The following BDP1 variants were observed in gnomAD, a reference collection of about 807,000 sequenced individuals.
BDP1 encodes the protein BDP1 general transcription factor IIIB subunit.
A neutral mutation model predicts 266.6 loss-of-function variants in BDP1; 169 were observed. The observed-to-expected ratio is 0.63, with a 90% CI of 0.56 to 0.72. The LOEUF is 0.72. BDP1 is among the 30% of genes least tolerant of loss of function. BDP1 has a pLI of 0.00. For missense variants in BDP1, 3,015 were observed against 3,053.8 expected (o/e 0.99, Z 0.30); for synonymous variants, 1,090 against 1,022.4 (o/e 1.07, Z -1.26).
intron 6 of BDP1, among the ~76,000 whole-genome samples, chr5:71,469,073 G>A (rs915040824): frequency 7.9e-5 from 12 of 152,138 alleles, no homozygotes; most frequent in African/African-American, 2.9e-4. Flanking sequence ...AGGATATAGA[G>A]TAAAAAGATT....
intron 3 of BDP1, 32 bp from the exon 4 acceptor site, chr5:71,464,026 T>G (rs1172921699): frequency 3.2e-6 from 4 of 1,264,064 alleles, no homozygotes; most frequent in South Asian, 1.4e-5. Context: ...AATTAATAAT[T>G]TATTAAAGAT....
At position 71,502,737 on chromosome 5, in the gene BDP1, A is replaced by C; in HGVS notation, c.2187A>C (p.Glu729Asp). The C allele has an allele frequency of 6.2e-7, 1 of 1,614,094 alleles. No individual in the cohort carries two copies. ...AERKEILISQ[E>D]EIGANVEKNE... ...GAAAAGAAATTCTCATATCACAGGA[A>C]GAAATTGGGGCCAATGTAGAGAAGA... is the stretch of plus-strand genomic sequence containing the variant. The change falls in exon 15 of 39, where the codon GAA becomes GAC. Residue 729 changes from glutamate to aspartate, a missense_variant. Coordinates refer to ENST00000358731, the MANE Select transcript of BDP1 (RefSeq NM_018429.3).
rs796697533 is a variant in BDP1, at chr5:71,527,616, A to T, written c.5772+3293A>T. The stretch of plus-strand genomic sequence containing the variant: ...GAGTGTTCTTCATTTTCGAGGTTCA[A>T]TAATATTCCATTGTGTGTGTGTATC... On this transcript the variant is annotated intron_variant, in intron 25 of 38. Transcript: ENST00000358731. Among the ~76,000 whole-genome samples, 69 of 152,272 alleles carry T rather than the reference A, an allele frequency of 4.5e-4. 1 individual carries two copies. The highest frequency in any genetic ancestry group is 1.6e-3 in the African/African-American group (68 of 41,560).
At position 71,520,996 on chromosome 5, in the gene BDP1, C is replaced by T. The variant is rs368278605; in HGVS notation, c.4992-1293C>T. ...CTGAGTTCGGGAGTTTGAGACCAGC[C>T]TGACCAACATAGAGAAACCCCATCT... On this transcript the variant is annotated intron_variant, in intron 22 of 38. Coordinates refer to ENST00000358731, the MANE Select transcript of BDP1 (RefSeq NM_018429.3). 9.9e-5 allele frequency among the ~76,000 whole-genome samples: 15 copies of T among 151,974 alleles called. 1 individual carries two copies. Among genetic ancestry groups the T allele is most frequent in the African/African-American group, 3.6e-4 (15 of 41,464 alleles).
Position 71,461,814 on chromosome 5 carries a change from C to T in BDP1, c.490-3C>T. The T allele has an allele frequency of 6.4e-7, 1 of 1,556,890 alleles. No individual in the cohort carries two copies. The highest frequency in any genetic ancestry group is 1.1e-5 in the South Asian group (1 of 87,804). On this transcript the variant is annotated splice_polypyrimidine_tract_variant and splice_region_variant and intron_variant, in intron 2 of 38. Transcript: ENST00000358731. ...AAGTGGATCTGTGTGTTTATGTATA[C>T]AGAAACAATGGAAAAACAAATATGC...
intron 30 of BDP1, among the ~76,000 whole-genome samples, chr5:71,544,064 T>C (rs1580185208): frequency 6.6e-6 from 1 of 152,222 alleles, no homozygotes; most frequent in East Asian, 1.9e-4. Flanking sequence ...GAAGTCTCTT[T>C]TATATGTTGA....
chr5:71,564,718 A>G (rs773676739), intron 38 of BDP1, 36 bp from the exon 39 acceptor site: 2 of 1,528,460 alleles, frequency 1.3e-6, no homozygotes, highest in Non-Finnish European at 1.8e-6. Flanking sequence ...GTTGTATTAC[A>G]GTTTTATTTT....
At chr5:71,466,605 AC>A (rs1272047849) in intron 5 of BDP1, among the ~76,000 whole-genome samples, 3 of 152,170 alleles carry the variant, frequency 2.0e-5, no homozygotes, top group Non-Finnish European at 2.9e-5. Flanking sequence ...TGTGGTGATA[AC>A]TAATGGATAT....
chr5:71,549,276 G>C (rs931471833), intron 33 of BDP1, 144 bp from the exon 34 acceptor site: 1 of 690,304 alleles, frequency 1.4e-6, no homozygotes, highest in African/African-American at 1.8e-5. Context: ...TCCTCAGGCT[G>C]GGGGGTTGTT....
chr5:71,512,299 C>T lies in BDP1; in HGVS notation c.4118C>T (p.Ser1373Phe), dbSNP rs1043402944. 3.8e-6 allele frequency: 6 copies of T among 1,592,702 alleles called. No homozygotes were observed. The highest frequency in any genetic ancestry group is 5.1e-6 in the Non-Finnish European group (6 of 1,174,008). ...ACACCTGTAGAAGAAAAAAGAAATT[C>T]TGAAAAAGAAGTATCAAGTCACTTC... ...MHTPVEEKRN[S>F]EKEVSSHFSH... Residue 1373 changes from serine to phenylalanine, a missense_variant, in exon 18 of 39, where the codon TCT becomes TTT. Physicochemically the swap from Ser to Phe is radical, Grantham distance 155. Coordinates refer to ENST00000358731, the MANE Select transcript of BDP1 (RefSeq NM_018429.3).
At chr5:71,572,472 G>C (rs796666093), downstream of BDP1, among the ~76,000 whole-genome samples, 7 of 152,264 alleles carry the variant, frequency 4.6e-5, 1 homozygote, top group African/African-American at 1.7e-4. Context: ...GGGGACCCCG[G>C]GATGAGTCTG....
In BDP1 at chr5:71,541,625, G is replaced by A. The variant is rs375245825; in HGVS notation, c.6194G>A (p.Ser2065Asn). The A allele has an allele frequency of 6.2e-7, 1 of 1,611,658 alleles. No homozygotes were observed. Among genetic ancestry groups the A allele is most frequent in the South Asian group, 1.1e-5 (1 of 90,442 alleles). ...EENKIVLEEQ[S>N]SREEISLMEK... Reference sequence around the variant, plus strand: ...AACAAGATTGTATTGGAGGAACAAAGTTCCAGAGAAGAAATAAGTTTAATG... The same window carrying A: ...AACAAGATTGTATTGGAGGAACAAAATTCCAGAGAAGAAATAAGTTTAATG... Residue 2065 changes from serine (S) to asparagine (N), a missense_variant, in exon 29 of 39, where the codon AGT (serine) becomes AAT (asparagine). Ser to Asn is a conservative substitution (Grantham distance 46). This residue lies in a region of BDP1 where 2,383 missense variants were observed against 2,404.9 expected (regional missense o/e 0.99). Coordinates refer to ENST00000358731, the MANE Select transcript of BDP1 (RefSeq NM_018429.3).
intron 11 of BDP1, chr5:71,494,667 A>T (rs951012888): frequency 2.6e-5 from 4 of 152,174 alleles, no homozygotes; most frequent in African/African-American, 9.7e-5. Context: ...TATTAGTATT[A>T]TTTTACGCAT....
Position 71,545,196 on chromosome 5 carries a change from G to A in BDP1, c.6721G>A (p.Val2241Met), listed in dbSNP as rs759814248. ...GATAAAGGACTCTAAAGGAGACAGT[G>A]TGCTTACACTTCCTGTGCCAGAGGT... ...PQIKDSKGDS[V>M]LTLPVPEYTP... The change falls in exon 32 of 39, where the codon GTG becomes ATG. Residue 2241 changes from valine to methionine, a missense_variant. Val to Met is a conservative substitution (Grantham distance 21). This residue lies in a region of BDP1 where 629 missense variants were observed against 632.5 expected (regional missense o/e 0.99). Coordinates refer to ENST00000358731, the MANE Select transcript of BDP1 (RefSeq NM_018429.3). The A allele has an allele frequency of 5.6e-6, 9 of 1,613,480 alleles. No homozygotes were observed. Among genetic ancestry groups the A allele is most frequent in the Middle Eastern group, 3.3e-4 (2 of 6,062 alleles).
intron 15 of BDP1, among the ~76,000 whole-genome samples, chr5:71,503,800 C>G (rs1481556937): frequency 6.6e-6 from 1 of 151,914 alleles, no homozygotes; most frequent in Non-Finnish European, 1.5e-5. Flanking sequence ...CACTCTGTCT[C>G]TACAAACAAA....
At chr5:71,491,267 A>T in intron 11 of BDP1, 136 bp downstream of exon 11, 1 of 778,494 alleles carries the variant, frequency 1.3e-6, no homozygotes, top group South Asian at 2.2e-5. Flanking sequence ...ATATATTTTG[A>T]AGCTCTGTTG....
At chr5:71,497,861 T>C (rs1431748750) in intron 13 of BDP1, among the ~76,000 whole-genome samples, 1 of 152,124 alleles carries the variant, frequency 6.6e-6, no homozygotes, top group African/African-American at 2.4e-5. Flanking sequence ...GTATTATGGC[T>C]CTCTGCAGCC....
intron 6 of BDP1, 111 bp from the exon 7 acceptor site, chr5:71,470,284 C>T: frequency 2.6e-6 from 2 of 771,144 alleles, no homozygotes; most frequent in South Asian, 1.7e-5. Context: ...TTAGGTATTG[C>T]ATGGGGATCT....
chr5:71,513,542 C>T (rs1456763308), intron 19 of BDP1, 135 bp downstream of exon 19: 7 of 641,328 alleles, frequency 1.1e-5, no homozygotes, highest in Admixed American at 2.6e-5. Flanking sequence ...ATATTGCTCC[C>T]ATGCTTAATG....
Sources: allele counts gnomAD v4.1 joint callset (sites outside exome capture counted in the v4.1 genomes callset), GRCh38; gene constraint gnomAD v4.1.1; regional missense constraint gnomAD v4.1.1; transcripts MANE v1.5; gene names NCBI Gene and HGNC (gene_info 2026-07-23, HGNC 2026-07-21).